The following PXT1 variants were observed in gnomAD, a reference collection of about 807,000 sequenced individuals.
The protein encoded by PXT1 is peroxisomal testis-specific protein 1.
PXT1 carries 11 observed loss-of-function variants against 11.0 expected under a neutral mutation model. That is an observed-to-expected ratio of 1.00 (90% confidence interval 0.63 to 1.66). The LOEUF is 1.66. Ranked by LOEUF, PXT1 falls within the 40% of genes most tolerant of loss-of-function variation. PXT1 has a pLI of 0.00. For synonymous variants in PXT1, 43 were observed against 51.4 expected (o/e 0.84, Z 0.70); for missense variants, 141 against 155.5 (o/e 0.91, Z 0.49).
chr6:36,425,818 A>C (rs886978913), intron 3 of PXT1, 96 bp downstream of exon 3: 8 of 408,498 alleles, frequency 2.0e-5, no homozygotes, highest in Non-Finnish European at 2.8e-5. Flanking sequence ...ATATATATAT[A>C]TATATATATA....
In PXT1 at chr6:36,425,949, C is replaced by G. The variant is rs760443479; in HGVS notation, c.134G>C (p.Ser45Thr). Residue 45 changes from serine (S) to threonine (T), a missense_variant, in exon 3 of 5, where the codon AGC becomes ACC. Ser to Thr is a moderately conservative substitution (Grantham distance 58, BLOSUM62 1). Transcript: ENST00000454782. ...FQKAYMTQLV[S>T]SQPVPAMSRN... ...TGACATGGCTGGAACTGGCTGGGAG[C>G]TGACAAGTTGGGTCATGTATGCCTT... 1 of 1,535,474 alleles carries G rather than the reference C, an allele frequency of 6.5e-7. No individual in the cohort carries two copies. Among genetic ancestry groups the G allele is most frequent in the South Asian group, 1.2e-5 (1 of 83,552 alleles).
chr6:36,404,704 T>A (rs1475286434), intron 3 of PXT1, among the ~76,000 whole-genome samples: 2 of 151,280 alleles, frequency 1.3e-5, no homozygotes, highest in African/African-American at 4.9e-5. Context: ...ACGCCTGTAA[T>A]CCCAGCACTT....
At chr6:36,392,424 T>G (rs2127408719) in intron 4 of PXT1, among the ~76,000 whole-genome samples, 1 of 152,210 alleles carries the variant, frequency 6.6e-6, no homozygotes, top group South Asian at 2.1e-4. Flanking sequence ...GTCCCAGCAC[T>G]TTGGGAGGCC....
At chr6:36,432,364 T>C (rs1276207630) in intron 2 of PXT1, among the ~76,000 whole-genome samples, 1 of 152,132 alleles carries the variant, frequency 6.6e-6, no homozygotes, top group Non-Finnish European at 1.5e-5. Flanking sequence ...AGCTGAGATC[T>C]TCCCCATGCC....
chr6:36,442,281 G>A (rs781524047), intron 1 of PXT1, among the ~76,000 whole-genome samples: 56 of 152,092 alleles, frequency 3.7e-4, no homozygotes, highest in Non-Finnish European at 5.6e-4. Context: ...TGCCCGCCTC[G>A]GCCTCCCAAA....
chr6:36,411,698 G>A (rs1774377874), intron 3 of PXT1, among the ~76,000 whole-genome samples: 1 of 151,522 alleles, frequency 6.6e-6, no homozygotes, highest in African/African-American at 2.4e-5. Context: ...CCCCAGCACT[G>A]TGGGAGGCCA....
intron 4 of PXT1, among the ~76,000 whole-genome samples, chr6:36,394,951 C>T (rs1774122336): frequency 6.6e-6 from 1 of 151,972 alleles, no homozygotes; most frequent in Admixed American, 6.6e-5. Flanking sequence ...CAGGCACACA[C>T]CACCACACCT....
chr6:36,405,590 A>T (rs1206597741), intron 3 of PXT1, among the ~76,000 whole-genome samples: 1 of 152,052 alleles, frequency 6.6e-6, no homozygotes, highest in African/African-American at 2.4e-5. Context: ...GTTAGCCAGG[A>T]TGGTCTGAAG....
At chr6:36,421,729 G>A (rs774621758) in intron 3 of PXT1, among the ~76,000 whole-genome samples, 6 of 152,134 alleles carry the variant, frequency 3.9e-5, no homozygotes, top group Non-Finnish European at 5.9e-5. Context: ...CTCAGCCTCT[G>A]GAATAGCTGG....
At chr6:36,418,128 G>A (rs948035082) in intron 3 of PXT1, among the ~76,000 whole-genome samples, 87 of 152,074 alleles carry the variant, frequency 5.7e-4, no homozygotes, top group African/African-American at 1.9e-3. Flanking sequence ...CCCAGGAGGC[G>A]GAGGTTGCAG....
intron 3 of PXT1, among the ~76,000 whole-genome samples, chr6:36,414,148 G>A (rs1228349699): frequency 2.0e-5 from 2 of 102,118 alleles, no homozygotes; most frequent in Non-Finnish European, 4.3e-5. Context: ...AATAGAGTAA[G>A]ACTAAATTAA....
At chr6:36,403,455 C>G (rs1774241967) in intron 3 of PXT1, among the ~76,000 whole-genome samples, 2 of 152,096 alleles carry the variant, frequency 1.3e-5, no homozygotes, top group African/African-American at 4.8e-5. Flanking sequence ...ACTTTTCAGG[C>G]TTGGGGGATT....
At chr6:36,400,831 G>A (rs879860812) in intron 3 of PXT1, among the ~76,000 whole-genome samples, 3 of 152,108 alleles carry the variant, frequency 2.0e-5, no homozygotes, top group Non-Finnish European at 2.9e-5. Context: ...TTAGCTGGAT[G>A]TGGTGACGGG....
intron 3 of PXT1, among the ~76,000 whole-genome samples, chr6:36,413,869 T>G (rs1774410496): frequency 6.6e-6 from 1 of 152,136 alleles, no homozygotes; most frequent in African/African-American, 2.4e-5. Context: ...TGTGATGGCA[T>G]GAGCCTATAG....
chr6:36,432,871 C>T (rs1774711924), intron 2 of PXT1, among the ~76,000 whole-genome samples: 1 of 151,824 alleles, frequency 6.6e-6, no homozygotes, highest in Admixed American at 6.6e-5. Flanking sequence ...AGAAAACACC[C>T]AGGCCTCTTC....
At chr6:36,400,656 A>G (rs553076057) in intron 3 of PXT1, 72 bp from the exon 4 acceptor site, 2 of 1,473,232 alleles carry the variant, frequency 1.4e-6, no homozygotes, top group East Asian at 4.9e-5. Context: ...ACCACTAGTT[A>G]CTAAAAACTG....
At chr6:36,395,492 G>GCT (rs1774130022) in intron 4 of PXT1, among the ~76,000 whole-genome samples, 1 of 96,744 alleles carries the variant, frequency 1.0e-5, no homozygotes, top group Non-Finnish European at 2.2e-5. Flanking sequence ...CCAAACTTAG[G>GCT]ATTTTTTTTT....
intron 3 of PXT1, among the ~76,000 whole-genome samples, chr6:36,410,989 C>A (rs1774365149): frequency 6.6e-6 from 1 of 152,152 alleles, no homozygotes; most frequent in African/African-American, 2.4e-5. Context: ...TGTAAAATGG[C>A]AATAGTAATG....
intron 4 of PXT1, among the ~76,000 whole-genome samples, chr6:36,396,263 G>A (rs1004515667): frequency 1.3e-5 from 2 of 152,208 alleles, no homozygotes; most frequent in African/African-American, 4.8e-5. Context: ...GGTGCAGCTG[G>A]GGCCACATGC....
Sources: allele counts gnomAD v4.1 joint callset (sites outside exome capture counted in the v4.1 genomes callset), GRCh38; gene constraint gnomAD v4.1.1; transcripts MANE v1.5; gene names NCBI Gene and HGNC (gene_info 2026-07-23, HGNC 2026-07-21).